Variants in GALNT17 observed in about 807,000 individuals in gnomAD.
GALNT17 encodes the protein UDP-GalNAc:polypeptide N-acetylgalactosaminyltransferase-like 3.
In GALNT17, 29 loss-of-function variants were observed where a neutral mutation model predicts 63.7. The ratio of observed to expected loss-of-function variants is 0.46; its 90% CI spans 0.34 to 0.62. The LOEUF is 0.62. Among genes scored for constraint, GALNT17 ranks in the 20% least tolerant of loss-of-function variants. The probability of loss-of-function intolerance (pLI) is 0.01; values close to 1 mark genes in which losing one functional copy is unlikely to be tolerated. For synonymous variants in GALNT17, 305 were observed against 318.3 expected, an observed-to-expected ratio of 0.96 and a Z score of 0.45; for missense variants, 603 against 799.6, an observed-to-expected ratio of 0.75 and a Z score of 2.97.
intron 2 of GALNT17, among the ~76,000 whole-genome samples, chr7:71,367,973 G>C (rs1015795507): frequency 6.6e-6 from 1 of 152,178 alleles, no homozygotes; most frequent in African/African-American, 2.4e-5. Context: ...AGAGGACTTG[G>C]GCTCTCTGAG....
At chr7:71,506,998 G>T (rs998321784) in intron 5 of GALNT17, among the ~76,000 whole-genome samples, 37 of 152,356 alleles carry the variant, frequency 2.4e-4, no homozygotes, top group African/African-American at 7.9e-4. Context: ...GTTTTGGGAG[G>T]CTGAGGTGGG....
chr7:71,153,794 G>A (rs966794541), intron 1 of GALNT17, among the ~76,000 whole-genome samples: 7 of 152,096 alleles, frequency 4.6e-5, no homozygotes, highest in African/African-American at 1.7e-4. Context: ...GCGGGCGCCT[G>A]TAGTCCCAGC....
intron 5 of GALNT17, among the ~76,000 whole-genome samples, chr7:71,543,311 G>A (rs758730127): frequency 6.6e-6 from 1 of 152,152 alleles, no homozygotes; most frequent in Admixed American, 6.6e-5. Flanking sequence ...CCAATATTAT[G>A]ACACTAGGTT....
chr7:71,477,396 A>G (rs1787742380), intron 5 of GALNT17, among the ~76,000 whole-genome samples: 1 of 152,234 alleles, frequency 6.6e-6, no homozygotes, highest in Non-Finnish European at 1.5e-5. Flanking sequence ...ATAAGATGTT[A>G]GCAGTGGAAG....
chr7:71,631,803 T>G (rs1177131563), intron 6 of GALNT17, among the ~76,000 whole-genome samples: 1 of 152,146 alleles, frequency 6.6e-6, no homozygotes, highest in Non-Finnish European at 1.5e-5. Context: ...CATAGGTAAA[T>G]TTCACTGGTC....
At chr7:71,231,848 A>G (rs956731076) in intron 1 of GALNT17, among the ~76,000 whole-genome samples, 1 of 151,972 alleles carries the variant, frequency 6.6e-6, no homozygotes, top group African/African-American at 2.4e-5. Context: ...CCCCACCCTC[A>G]TGACACCATC....
intron 9 of GALNT17, among the ~76,000 whole-genome samples, chr7:71,679,588 G>A (rs986756949): frequency 6.6e-6 from 1 of 152,090 alleles, no homozygotes; most frequent in African/African-American, 2.4e-5. Flanking sequence ...TAGAATAAGC[G>A]TAACCCACGG....
intron 5 of GALNT17, among the ~76,000 whole-genome samples, chr7:71,438,496 TCAATC>T (rs1178393085): frequency 9.2e-5 from 14 of 152,198 alleles, no homozygotes; most frequent in African/African-American, 2.7e-4. Flanking sequence ...TTTGCATCCT[TCAATC>T]CAATCAAGTT....
At chr7:71,319,315 C>CT (rs1791562359) in intron 1 of GALNT17, among the ~76,000 whole-genome samples, 1 of 152,102 alleles carries the variant, frequency 6.6e-6, no homozygotes, top group Non-Finnish European at 1.5e-5. Flanking sequence ...CTGTGAACAT[C>CT]ACCAATGCAT....
intron 1 of GALNT17, among the ~76,000 whole-genome samples, chr7:71,192,893 G>A (rs1788978669): frequency 1.3e-5 from 2 of 152,114 alleles, no homozygotes; most frequent in South Asian, 4.2e-4. Context: ...TGACTGATGT[G>A]GTTCCGTCAC....
intron 1 of GALNT17, among the ~76,000 whole-genome samples, chr7:71,287,106 T>C (rs1432365471): frequency 6.6e-6 from 1 of 152,066 alleles, no homozygotes; most frequent in Non-Finnish European, 1.5e-5. Flanking sequence ...GTTTTGTTTT[T>C]TGAGACAAGG....
chr7:71,674,180 A>G (rs1190112819), intron 8 of GALNT17, among the ~76,000 whole-genome samples: 1 of 152,184 alleles, frequency 6.6e-6, no homozygotes, highest in Non-Finnish European at 1.5e-5. Flanking sequence ...TCCAAATCCC[A>G]ATTCCCAGAT....
chr7:71,586,026 G>A (rs1291997128), intron 6 of GALNT17, among the ~76,000 whole-genome samples: 1 of 151,560 alleles, frequency 6.6e-6, no homozygotes, highest in Non-Finnish European at 1.5e-5. Flanking sequence ...TTCTGCTTCA[G>A]CCTACCAAGT....
chr7:71,544,496 G>C (rs930100542), intron 5 of GALNT17, among the ~76,000 whole-genome samples: 1 of 152,108 alleles, frequency 6.6e-6, no homozygotes, highest in Non-Finnish European at 1.5e-5. Context: ...ATAGGGGTTA[G>C]TTCTGAGAAC....
At chr7:71,677,358 A>G (rs1791168416) in intron 9 of GALNT17, 52 bp downstream of exon 9, 1 of 1,552,062 alleles carries the variant, frequency 6.4e-7, no homozygotes, top group Non-Finnish European at 8.8e-7. Context: ...TCTCCGACCC[A>G]CAGAGGCCTT....
chr7:71,298,598 G>T (rs753144779), intron 1 of GALNT17, among the ~76,000 whole-genome samples: 30 of 152,048 alleles, frequency 2.0e-4, no homozygotes, highest in Non-Finnish European at 3.4e-4. Context: ...AGACTGTCCT[G>T]CCTTATTTCC....
intron 1 of GALNT17, among the ~76,000 whole-genome samples, chr7:71,217,248 T>C (rs1334633476): frequency 6.6e-6 from 1 of 151,818 alleles, no homozygotes; most frequent in Non-Finnish European, 1.5e-5. Flanking sequence ...GTGCTGGGAT[T>C]ACAGGCATGA....
At position 71,402,232 on chromosome 7, in the gene GALNT17, C is replaced by T. The variant is rs139852121; in HGVS notation, c.590-13657C>T. Among the ~76,000 whole-genome samples the T allele has an allele frequency of 3.4e-4, 52 of 152,332 alleles. 2 individuals carry two copies. The East Asian group carries it at 7.7e-3, about 23-fold the overall frequency. ...CTCATGACATTATTTGATTTGCTAACTCCAGTTCATTCATCGGTATTCAAC... is the reference window on the plus strand; with the variant it reads ...CTCATGACATTATTTGATTTGCTAATTCCAGTTCATTCATCGGTATTCAAC... On this transcript the variant is annotated intron_variant, in intron 3 of 10. Coordinates refer to ENST00000333538, the MANE Select transcript of GALNT17 (RefSeq NM_022479.3).
At chr7:71,266,869 G>A (rs1790500449) in intron 1 of GALNT17, among the ~76,000 whole-genome samples, 1 of 152,062 alleles carries the variant, frequency 6.6e-6, no homozygotes, top group African/African-American at 2.4e-5. Flanking sequence ...TGAACTAAGA[G>A]GGAAAAAAAT....
Sources: gnomAD v4.1 joint callset for allele counts (sites outside exome capture counted in the v4.1 genomes callset) on GRCh38, gnomAD v4.1.1 for gene constraint, MANE v1.5 for transcripts, NCBI Gene and HGNC (gene_info 2026-07-23, HGNC 2026-07-21) for gene names.